Variants in ZNF608 observed in about 807,000 individuals in gnomAD.
ZNF608 encodes the protein renal carcinoma antigen NY-REN-36.
In ZNF608, 12 loss-of-function variants were observed where a neutral mutation model predicts 109.0. The observed-to-expected ratio is 0.11, with a 90% CI of 0.07 to 0.18. The LOEUF is 0.18. ZNF608 is among the 10% of genes least tolerant of loss of function. The pLI, the probability that ZNF608 is intolerant of heterozygous loss-of-function variation, is 1.00. For synonymous variants in ZNF608, 732 were observed against 717.4 expected, an observed-to-expected ratio of 1.02 and a Z score of -0.33; for missense variants, 1,707 against 1,879.3, an observed-to-expected ratio of 0.91 and a Z score of 1.70.
chr5:124,702,437 G>C (rs1177097384), intron 2 of ZNF608, among the ~76,000 whole-genome samples: 3 of 151,756 alleles, frequency 2.0e-5, no homozygotes, highest in Admixed American at 2.0e-4. Flanking sequence ...GCTGTTCACT[G>C]TAAGTTATCT....
At chr5:124,730,616 G>A (rs1748850546) in intron 2 of ZNF608, among the ~76,000 whole-genome samples, 1 of 152,192 alleles carries the variant, frequency 6.6e-6, no homozygotes, top group South Asian at 2.1e-4. Context: ...AAGATAGAGA[G>A]TATTAGACTT....
intron 3 of ZNF608, among the ~76,000 whole-genome samples, chr5:124,699,398 GTA>G (rs1342289788): frequency 1.3e-5 from 2 of 152,132 alleles, no homozygotes; most frequent in Non-Finnish European, 2.9e-5. Context: ...TGGTTCCACA[GTA>G]TAGTTTCAAA....
intron 3 of ZNF608, among the ~76,000 whole-genome samples, chr5:124,653,304 A>C (rs906659040): frequency 3.9e-5 from 6 of 152,174 alleles, no homozygotes; most frequent in Non-Finnish European, 8.8e-5. Flanking sequence ...TTACTTCCTC[A>C]AGCCAAAAAA....
chr5:124,701,285 G>A lies in ZNF608; in HGVS notation c.907-16C>T, dbSNP rs1465318991. ...GGGGGTCAACCTGAAAGACAGACAG[G>A]CTTACTGCAGTAGTGCTGCATTCCG... On this transcript the variant is annotated splice_polypyrimidine_tract_variant and intron_variant, in intron 2 of 9. Transcript: ENST00000513986. 1 of 1,613,416 alleles carries A rather than the reference G, an allele frequency of 6.2e-7. No individual in the cohort carries two copies. Among genetic ancestry groups the A allele is most frequent in the East Asian group, 2.2e-5 (1 of 44,902 alleles).
rs756575477 is a variant in ZNF608, at chr5:124,641,273, C to T, written c.4429G>A (p.Gly1477Ser). ...HVGMGYPLIP[G>S]QYDPFQGLTS... is the part of the protein sequence containing the mutation. ...TGACCTTGAAAAGGGTCATATTGACCCGGGATTAGCGGGTAACCCATGCCA... is the reference window on the plus strand; with the variant it reads ...TGACCTTGAAAAGGGTCATATTGACTCGGGATTAGCGGGTAACCCATGCCA... The change falls in exon 8 of 10, where the codon GGT becomes AGT. Residue 1477 changes from glycine (G) to serine (S), a missense_variant. Around this residue, in one of 7 missense-constraint regions of ZNF608, gnomAD observed 1,073 missense variants for 1,133.5 expected, o/e 0.95. Coordinates refer to ENST00000513986, the MANE Select transcript of ZNF608 (RefSeq NM_020747.3). 1 of 1,613,662 alleles carries T rather than the reference C, an allele frequency of 6.2e-7. No individual in the cohort carries two copies. Among genetic ancestry groups the T allele is most frequent in the Non-Finnish European group, 8.5e-7 (1 of 1,180,010 alleles).
chr5:124,666,625 C>A (rs937206034), intron 3 of ZNF608, among the ~76,000 whole-genome samples: 1 of 151,844 alleles, frequency 6.6e-6, no homozygotes, highest in Non-Finnish European at 1.5e-5. Flanking sequence ...AGGCACATTC[C>A]GCTCCCCCAG....
rs773988427 is a variant in ZNF608, at chr5:124,701,308, C to A, written c.907-39G>T. 5.0e-6 allele frequency: 8 copies of A among 1,603,940 alleles called. No homozygotes were observed. The Admixed American group carries it at 1.2e-4, about 24-fold the overall frequency. On this transcript the variant is annotated intron_variant, in intron 2 of 9. Coordinates refer to ENST00000513986, the MANE Select transcript of ZNF608 (RefSeq NM_020747.3). ...AGGCTTACTGCAGTAGTGCTGCATT[C>A]CGTGAATTCCTTTTAATGCAATTTG...
At chr5:124,706,759 G>A (rs1753273599) in intron 2 of ZNF608, among the ~76,000 whole-genome samples, 1 of 152,216 alleles carries the variant, frequency 6.6e-6, no homozygotes, top group African/African-American at 2.4e-5. Flanking sequence ...AAGTCTAACA[G>A]CTGGTGGTGG....
At chr5:124,714,188 A>C (rs1184106132) in intron 2 of ZNF608, among the ~76,000 whole-genome samples, 1 of 152,218 alleles carries the variant, frequency 6.6e-6, no homozygotes, top group African/African-American at 2.4e-5. Flanking sequence ...AAGAAGAAAC[A>C]ACCATCCTAT....
At chr5:124,676,193 G>A (rs538481957) in intron 3 of ZNF608, among the ~76,000 whole-genome samples, 39 of 152,292 alleles carry the variant, frequency 2.6e-4, no homozygotes, top group African/African-American at 9.4e-4. Context: ...GAATGCTACT[G>A]GAGAGAAGTA....
At chr5:124,646,084 C>T (rs1029432179) in intron 5 of ZNF608, among the ~76,000 whole-genome samples, 1 of 152,150 alleles carries the variant, frequency 6.6e-6, no homozygotes, top group Non-Finnish European at 1.5e-5. Flanking sequence ...GGATCCTGGC[C>T]AGGCGCGGTG....
chr5:124,733,203 CTCTA>C (rs1269044735), intron 2 of ZNF608, among the ~76,000 whole-genome samples: 2 of 149,048 alleles, frequency 1.3e-5, no homozygotes, highest in African/African-American at 2.5e-5. Flanking sequence ...CATTCATTCT[CTCTA>C]TCTCTCTCTC....
At chr5:124,711,775 A>G (rs1753501536) in intron 2 of ZNF608, among the ~76,000 whole-genome samples, 1 of 152,210 alleles carries the variant, frequency 6.6e-6, no homozygotes, top group Non-Finnish European at 1.5e-5. Context: ...GGGGTGGGGC[A>G]GGGACAGGGA....
intron 2 of ZNF608, among the ~76,000 whole-genome samples, chr5:124,714,826 A>G (rs988833880): frequency 3.9e-5 from 6 of 152,214 alleles, no homozygotes; most frequent in Non-Finnish European, 2.9e-5. Context: ...GTCTCTGAAA[A>G]CCAGATGACA....
At chr5:124,703,156 T>A (rs1753122834) in intron 2 of ZNF608, among the ~76,000 whole-genome samples, 1 of 152,138 alleles carries the variant, frequency 6.6e-6, no homozygotes, top group Non-Finnish European at 1.5e-5. Context: ...TGCAATTCGA[T>A]GTCACATGTA....
intron 3 of ZNF608, among the ~76,000 whole-genome samples, chr5:124,680,786 T>G (rs1291565370): frequency 6.6e-6 from 1 of 151,962 alleles, no homozygotes. Flanking sequence ...TTCAGAGAAA[T>G]GAGGAGATGC....
chr5:124,736,549 G>A (rs1385145508), intron 2 of ZNF608, among the ~76,000 whole-genome samples: 1 of 152,034 alleles, frequency 6.6e-6, no homozygotes, highest in African/African-American at 2.4e-5. Context: ...TTTTATGCCA[G>A]CTGAATCCAA....
intron 3 of ZNF608, among the ~76,000 whole-genome samples, chr5:124,684,888 G>A (rs1485633164): frequency 6.6e-6 from 1 of 152,218 alleles, no homozygotes; most frequent in Admixed American, 6.5e-5. Context: ...ACCAAGAACT[G>A]TTGAGGATTC....
intron 3 of ZNF608, among the ~76,000 whole-genome samples, chr5:124,661,690 C>T (rs2149803914): frequency 6.6e-6 from 1 of 152,274 alleles, no homozygotes; most frequent in South Asian, 2.1e-4. Flanking sequence ...ATTGATTGAC[C>T]AGCCTGCTCG....
Sources: allele counts gnomAD v4.1 joint callset (sites outside exome capture counted in the v4.1 genomes callset), GRCh38; gene constraint gnomAD v4.1.1; regional missense constraint gnomAD v4.1.1; transcripts MANE v1.5; gene names NCBI Gene and HGNC (gene_info 2026-07-23, HGNC 2026-07-21).